The following MEIS2 variants were observed in gnomAD, a reference collection of about 807,000 sequenced individuals.
The protein encoded by MEIS2 is Meis homeobox 2, also known as homeobox protein Meis2.
A neutral mutation model predicts 58.6 loss-of-function variants in MEIS2; 9 were observed. That is an observed-to-expected ratio of 0.15 (90% CI 0.09 to 0.27). The LOEUF (loss-of-function observed/expected upper bound fraction) is 0.27. Among genes scored for constraint, MEIS2 ranks in the 10% least tolerant of loss-of-function variants. The probability of loss-of-function intolerance (pLI) is 1.00; values close to 1 mark genes in which losing one functional copy is unlikely to be tolerated. For synonymous variants in MEIS2, 221 were observed against 228.4 expected (o/e 0.97, Z 0.29); for missense variants, 427 against 635.0 (o/e 0.67, Z 3.52).
At chr15:37,014,466 G>T (rs1042365983) in intron 8 of MEIS2, among the ~76,000 whole-genome samples, 1 of 152,164 alleles carries the variant, frequency 6.6e-6, no homozygotes, top group African/African-American at 2.4e-5. Context: ...TAGTGCCAAG[G>T]TTTGCCTAAA....
chr15:36,908,695 C>T (rs1467988662), intron 9 of MEIS2, among the ~76,000 whole-genome samples: 4 of 152,168 alleles, frequency 2.6e-5, no homozygotes, highest in Admixed American at 1.3e-4. Flanking sequence ...GAGGCTCACA[C>T]CTGTAATCCC....
chr15:37,078,995 A>T (rs1024462082), intron 7 of MEIS2, among the ~76,000 whole-genome samples: 9 of 152,124 alleles, frequency 5.9e-5, no homozygotes, highest in African/African-American at 2.2e-4. Context: ...ATGCTCCTAG[A>T]GCATTTATTT....
intron 8 of MEIS2, among the ~76,000 whole-genome samples, chr15:36,971,348 T>C (rs2059550953): frequency 6.6e-6 from 1 of 151,730 alleles, no homozygotes; most frequent in Non-Finnish European, 1.5e-5. Flanking sequence ...CACCTGGTAA[T>C]ACAAATTTTA....
chr15:37,036,210 A>G lies in MEIS2; in HGVS notation c.900+604T>C, dbSNP rs1346377179. 2.0e-5 allele frequency among the ~76,000 whole-genome samples: 3 copies of G among 152,330 alleles called. No homozygotes were observed. The East Asian group carries it at 5.8e-4, about 29-fold the overall frequency. ...CCAGAAGTGAACATGGTTAGCTTTT[A>G]AGATAATGGACTTGAGCAGCTAAAA... On this transcript the variant is annotated intron_variant, in intron 8 of 11. Transcript: ENST00000561208.
chr15:37,013,767 C>T (rs781129445), intron 8 of MEIS2, among the ~76,000 whole-genome samples: 9 of 152,032 alleles, frequency 5.9e-5, no homozygotes, highest in African/African-American at 9.7e-5. Context: ...CATTTTACAA[C>T]TGAAGAAACT....
At chr15:36,995,985 A>ATG (rs1567159900) in intron 8 of MEIS2, among the ~76,000 whole-genome samples, 3 of 102,654 alleles carry the variant, frequency 2.9e-5, no homozygotes, top group East Asian at 3.0e-4. Context: ...ATATATATAT[A>ATG]TATATATATA....
chr15:36,895,154 C>G lies in MEIS2; in HGVS notation c.1144G>C (p.Ala382Pro), dbSNP rs2056105827. 1 of 1,613,446 alleles carries G rather than the reference C, an allele frequency of 6.2e-7. No individual in the cohort carries two copies. The highest frequency in any genetic ancestry group is 1.1e-5 in the South Asian group (1 of 91,054). The change falls in exon 11 of 12, where the codon GCA becomes CCA. Residue 382 changes from alanine (A) to proline (P), a missense_variant. Around this residue, in one of 6 missense-constraint regions of MEIS2, gnomAD observed 154 missense variants for 148.1 expected, o/e 1.04. Coordinates refer to ENST00000561208, the MANE Select transcript of MEIS2 (RefSeq NM_170675.5). ...DGQQHMGIRPAGLQSMPGDYV... is the reference protein window; with the variant it reads ...DGQQHMGIRPPGLQSMPGDYV... ...GAGGCGGGATGAGCCAACCTACCTG[C>G]AGGCCGGATCCCCATGTGTTGCTGA...
At chr15:36,976,944 A>C (rs1373612521) in intron 8 of MEIS2, among the ~76,000 whole-genome samples, 1 of 152,044 alleles carries the variant, frequency 6.6e-6, no homozygotes, top group African/African-American at 2.4e-5. Context: ...ACCAACATGG[A>C]GAAACCCCAT....
At chr15:37,030,496 C>T (rs376176294) in intron 8 of MEIS2, among the ~76,000 whole-genome samples, 8 of 151,988 alleles carry the variant, frequency 5.3e-5, no homozygotes, top group African/African-American at 1.9e-4. Context: ...GCCCACACAC[C>T]TGGCTAATTT....
At chr15:36,993,057 TAC>T (rs1203309037) in intron 8 of MEIS2, among the ~76,000 whole-genome samples, 1 of 152,162 alleles carries the variant, frequency 6.6e-6, no homozygotes, top group Admixed American at 6.5e-5. Context: ...TGAGGATTGT[TAC>T]ACAGTCATTT....
intron 9 of MEIS2, among the ~76,000 whole-genome samples, chr15:36,913,071 G>C (rs1403239858): frequency 1.3e-5 from 2 of 151,950 alleles, no homozygotes; most frequent in Non-Finnish European, 2.9e-5. Context: ...TAACACAAAG[G>C]GTATATTTAA....
At position 37,098,197 on chromosome 15, in the gene MEIS2, G is replaced by A. The variant is rs745617695; in HGVS notation, c.15C>T (p.Tyr5=). ...TCCCGCCGTAATGGGGCAGCTCATC[G>A]TACTGTCAGAACCCGGGAAGGGGGA... The part of the protein sequence containing the change: MAQR[Y]DELPHYGGMD... The change falls in exon 2 of 12, where the codon TAC becomes TAT. Residue 5 remains tyrosine (Y), a splice_region_variant and synonymous_variant. Transcript: ENST00000561208. 4 of 1,597,238 alleles carry A rather than the reference G, an allele frequency of 2.5e-6. No individual in the cohort carries two copies. Among genetic ancestry groups the A allele is most frequent in the Admixed American group, 3.4e-5 (2 of 59,086 alleles).
At chr15:37,021,626 G>C (rs2061530364) in intron 8 of MEIS2, among the ~76,000 whole-genome samples, 2 of 152,210 alleles carry the variant, frequency 1.3e-5, no homozygotes, top group East Asian at 1.9e-4. Context: ...TCTGCACCTG[G>C]ACTTGCAACC....
At chr15:36,948,253 G>A in intron 9 of MEIS2, among the ~76,000 whole-genome samples, 1 of 151,914 alleles carries the variant, frequency 6.6e-6, no homozygotes, top group East Asian at 1.9e-4. Flanking sequence ...GGCAAATATG[G>A]CTCAAATAAT....
At chr15:37,082,191 T>C (rs1283625748) in intron 7 of MEIS2, among the ~76,000 whole-genome samples, 1 of 152,148 alleles carries the variant, frequency 6.6e-6, no homozygotes, top group Non-Finnish European at 1.5e-5. Flanking sequence ...TCAGAAATGC[T>C]TGAAGCGTTA....
At chr15:36,949,789 C>G (rs571561699) in intron 9 of MEIS2, among the ~76,000 whole-genome samples, 1 of 151,948 alleles carries the variant, frequency 6.6e-6, no homozygotes, top group Non-Finnish European at 1.5e-5. Context: ...GTCCATACAC[C>G]AGCACGGGAG....
chr15:36,898,910 T>G (rs2141231621), intron 9 of MEIS2: 1 of 152,362 alleles, frequency 6.6e-6, no homozygotes, highest in South Asian at 2.1e-4. Context: ...GAAATGCCAC[T>G]CCAGTATAAC....
chr15:37,059,501 G>A (rs896871206), intron 7 of MEIS2, among the ~76,000 whole-genome samples: 5 of 152,224 alleles, frequency 3.3e-5, no homozygotes, highest in African/African-American at 9.6e-5. Context: ...TAAGCATTAC[G>A]TGCACTTGTT....
chr15:37,079,904 C>T (rs1036515803), intron 7 of MEIS2, among the ~76,000 whole-genome samples: 5 of 151,806 alleles, frequency 3.3e-5, no homozygotes, highest in Admixed American at 6.6e-5. Context: ...GGTTAACGTG[C>T]GTGTGGTGTG....
Sources: allele counts gnomAD v4.1 joint callset (sites outside exome capture counted in the v4.1 genomes callset), GRCh38; gene constraint gnomAD v4.1.1; regional missense constraint gnomAD v4.1.1; transcripts MANE v1.5; gene names NCBI Gene and HGNC (gene_info 2026-07-23, HGNC 2026-07-21).